Variants in TUBGCP5 observed in about 807,000 individuals in gnomAD.
TUBGCP5 encodes the protein tubulin gamma complex component 5.
In TUBGCP5, 98 loss-of-function variants were observed where a neutral mutation model predicts 134.7. The observed-to-expected ratio is 0.73, with a 90% CI of 0.62 to 0.86. The LOEUF (loss-of-function observed/expected upper bound fraction) is 0.86. TUBGCP5 is among the 40% of genes least tolerant of loss of function. The pLI, the probability that TUBGCP5 is intolerant of heterozygous loss-of-function variation, is 0.00. For missense variants in TUBGCP5, 1,150 were observed against 1,244.8 expected (o/e 0.92, Z 1.15); for synonymous variants, 456 against 431.4 (o/e 1.06, Z -0.71).
intron 21 of TUBGCP5, among the ~76,000 whole-genome samples, chr15:23,002,148 AAG>A (rs2064425520): frequency 6.6e-6 from 1 of 151,950 alleles, no homozygotes; most frequent in East Asian, 1.9e-4. Context: ...ACAAAAAAAA[AAG>A]AAAAAAAAAA....
rs142650340 is a variant in TUBGCP5, at chr15:23,031,426, C to T, written c.487-406G>A. On this transcript the variant is annotated intron_variant, in intron 5 of 22. Transcript: ENST00000615383. ...CCACCTCCTGTGTTCAAGAGATTCTCGTGCCTGAGCCTCCTGAGTAGCTGG... is the reference window on the plus strand; with the variant it reads ...CCACCTCCTGTGTTCAAGAGATTCTTGTGCCTGAGCCTCCTGAGTAGCTGG... Among the ~76,000 whole-genome samples the T allele has an allele frequency of 2.3e-3, 349 of 152,096 alleles. 3 individuals are homozygous for T. Among genetic ancestry groups the T allele is most frequent in the Middle Eastern group, 0.01 (3 of 294 alleles).
chr15:23,036,933 A>C lies in TUBGCP5; in HGVS notation c.273T>G (p.Phe91Leu). 1 of 1,612,738 alleles carries C rather than the reference A, an allele frequency of 6.2e-7. No homozygotes were observed. The highest frequency in any genetic ancestry group is 1.3e-5 in the African/African-American group (1 of 75,028). Residue 91 changes from phenylalanine (F) to leucine (L), a missense_variant, in exon 3 of 23, where the codon TTT becomes TTG. Coordinates refer to ENST00000615383, the MANE Select transcript of TUBGCP5 (RefSeq NM_052903.6). ...AASWKRLTEE[F>L]LNAPLPSIKE... ...TTATACTGGGAAGTGGTGCATTTAGAAATTCCTCCGTTAATCTCTTCCAAC... is the reference window on the plus strand; with the variant it reads ...TTATACTGGGAAGTGGTGCATTTAGCAATTCCTCCGTTAATCTCTTCCAAC...
In TUBGCP5 at chr15:23,026,189, T is replaced by G; in HGVS notation, c.754A>C (p.Ser252Arg). The G allele has an allele frequency of 1.2e-6, 2 of 1,613,300 alleles. No individual in the cohort carries two copies. The highest frequency in any genetic ancestry group is 2.2e-5 in the East Asian group (1 of 44,806). Reference protein sequence around the residue: ...LAAVWDQHLYSSDPLYVPDDR... With the variant: ...LAAVWDQHLYRSDPLYVPDDR... ...TCTGGAACATACAATGGATCACTGC[T>G]GTACAAGTGTTGGTCCCTATGAGAC... Residue 252 changes from serine (S) to arginine (R), a missense_variant, in exon 8 of 23, where the codon AGC becomes CGC. Coordinates refer to ENST00000615383, the MANE Select transcript of TUBGCP5 (RefSeq NM_052903.6).
chr15:23,019,174 T>C (rs1439398079), intron 12 of TUBGCP5, 45 bp downstream of exon 12: 3 of 1,383,778 alleles, frequency 2.2e-6, no homozygotes, highest in African/African-American at 1.4e-5. Context: ...GGGAGGAAAC[T>C]GGTGATGCCA....
chr15:23,023,764 GT>G, intron 10 of TUBGCP5, 182 bp downstream of exon 10: 2 of 541,716 alleles, frequency 3.7e-6, no homozygotes, highest in South Asian at 2.9e-5. Context: ...ATCTTCTGTA[GT>G]TTTTTGATTT....
intron 23 of TUBGCP5, among the ~76,000 whole-genome samples, chr15:22,988,138 A>G (rs1468267828): frequency 9.0e-6 from 1 of 110,640 alleles, no homozygotes; most frequent in African/African-American, 3.9e-5. Flanking sequence ...GGACTAAGAC[A>G]GTACCTTATA....
At chr15:22,997,165 A>G (rs571172823), downstream of TUBGCP5, among the ~76,000 whole-genome samples, 11 of 151,650 alleles carry the variant, frequency 7.3e-5, no homozygotes, top group Non-Finnish European at 1.6e-4. Context: ...GTGATGTCCA[A>G]TTCACCAATA....
At chr15:23,029,308 A>C (rs939964041) in intron 6 of TUBGCP5, among the ~76,000 whole-genome samples, 1 of 151,972 alleles carries the variant, frequency 6.6e-6, no homozygotes, top group South Asian at 2.1e-4. Flanking sequence ...TGCAACCTCT[A>C]CCTGCTGGGT....
At chr15:23,010,163 T>C (rs762873967) in intron 14 of TUBGCP5, 30 bp from the exon 15 acceptor site, 5 of 1,596,930 alleles carry the variant, frequency 3.1e-6, no homozygotes, top group Admixed American at 1.7e-5. Context: ...GTCTTCTTTT[T>C]ATGAGCTGCT....
At position 23,027,063 on chromosome 15, in the gene TUBGCP5, A is replaced by G. The variant is rs888244176; in HGVS notation, c.737+129T>C. On this transcript the variant is annotated intron_variant, in intron 7 of 22. Transcript: ENST00000615383. ...GAAGAGTGAGAATCTGTCTCCAAAA[A>G]AAAAAGAATTGTCAAAACAAAAACA... The G allele has an allele frequency of 5.6e-5, 42 of 754,354 alleles. No homozygotes were observed. The African/African-American group carries it at 6.4e-4, about 11-fold the overall frequency. 46.7% of individuals were successfully genotyped at this position (754,354 alleles called of 1,614,324 possible).
Position 23,005,621 on chromosome 15 carries a change from T to C in TUBGCP5, c.2534-11A>G, listed in dbSNP as rs76351885. ...CAGTACTAACCAGTTCTATAAAACA[T>C]TGGAAGAGCAAAGTGGACAGAAAGA... On this transcript the variant is annotated splice_polypyrimidine_tract_variant and intron_variant, in intron 18 of 22. Transcript: ENST00000615383. 36 of 1,607,930 alleles carry C rather than the reference T, an allele frequency of 2.2e-5. No individual in the cohort carries two copies. The highest frequency in any genetic ancestry group is 2.6e-5 in the Non-Finnish European group (31 of 1,176,070).
chr15:23,034,872 C>T (rs1595911091), intron 3 of TUBGCP5, among the ~76,000 whole-genome samples: 1 of 149,800 alleles, frequency 6.7e-6, no homozygotes, highest in Non-Finnish European at 1.5e-5. Context: ...AAAACAGGAA[C>T]AATAATAAAA....
intron 13 of TUBGCP5, among the ~76,000 whole-genome samples, chr15:23,014,364 T>C (rs981880228): frequency 1.3e-5 from 2 of 152,158 alleles, no homozygotes; most frequent in African/African-American, 2.4e-5. Flanking sequence ...AGAAGCCCCA[T>C]AGGCAGCGCC....
intron 1 of TUBGCP5, 135 bp from the exon 2 acceptor site, chr15:23,037,287 G>A (rs1000895200): frequency 1.5e-5 from 12 of 793,510 alleles, no homozygotes; most frequent in Middle Eastern, 3.8e-4. Context: ...CTTGTCCTCC[G>A]TTACCTCCAC....
At chr15:23,034,715 C>T (rs1427608595) in intron 3 of TUBGCP5, among the ~76,000 whole-genome samples, 1 of 151,900 alleles carries the variant, frequency 6.6e-6, no homozygotes, top group South Asian at 2.1e-4. Context: ...AAAAATTAGC[C>T]GGGCGGGGTG....
chr15:23,026,991 G>C (rs1233109947), intron 7 of TUBGCP5, among the ~76,000 whole-genome samples: 2 of 152,074 alleles, frequency 1.3e-5, no homozygotes, highest in East Asian at 3.8e-4. Context: ...GTGAGGTCTA[G>C]ACTGCAGTGA....
intron 15 of TUBGCP5, among the ~76,000 whole-genome samples, chr15:23,009,331 C>T (rs2064902346): frequency 1.3e-5 from 2 of 151,336 alleles, no homozygotes; most frequent in South Asian, 2.1e-4. Flanking sequence ...TGCAGTGGCC[C>T]GATCTCAGCT....
At chr15:23,034,954 A>C (rs374838584) in intron 3 of TUBGCP5, among the ~76,000 whole-genome samples, 4 of 151,922 alleles carry the variant, frequency 2.6e-5, no homozygotes, top group African/African-American at 7.2e-5. Context: ...ACTAACCACA[A>C]AAAAAAAGAG....
chr15:22,988,587 T>G (rs2140340501), intron 23 of TUBGCP5, among the ~76,000 whole-genome samples: 1 of 151,142 alleles, frequency 6.6e-6, no homozygotes, highest in South Asian at 2.1e-4. Context: ...ACAAAAAAAA[T>G]TAGCCGGGCG....
Sources: gnomAD v4.1 joint callset for allele counts (sites outside exome capture counted in the v4.1 genomes callset) on GRCh38, gnomAD v4.1.1 for gene constraint, MANE v1.5 for transcripts, NCBI Gene and HGNC (gene_info 2026-07-23, HGNC 2026-07-21) for gene names.